MRTFA: variants seen among roughly 807,000 people sequenced by gnomAD.
MRTFA encodes myocardin related transcription factor A, also known as myocardin-related transcription factor A.
A neutral mutation model predicts 83.5 loss-of-function variants in MRTFA; 20 were observed. The observed-to-expected ratio is 0.24, with a 90% CI of 0.17 to 0.35. The LOEUF (loss-of-function observed/expected upper bound fraction) is 0.35. MRTFA is among the 10% of genes least tolerant of loss of function. The probability of loss-of-function intolerance (pLI) is 1.00; values close to 1 mark genes in which losing one functional copy is unlikely to be tolerated. For synonymous variants in MRTFA, 659 were observed against 541.2 expected (o/e 1.22, Z -3.02); for missense variants, 1,200 against 1,224.7 (o/e 0.98, Z 0.30).
At chr22:40,427,596 T>G (rs2052982622) in intron 7 of MRTFA, among the ~76,000 whole-genome samples, 1 of 152,196 alleles carries the variant, frequency 6.6e-6, no homozygotes, top group Non-Finnish European at 1.5e-5. Context: ...TCTGTACCAA[T>G]TATCACCAAA....
intron 3 of MRTFA, among the ~76,000 whole-genome samples, chr22:40,527,118 C>A (rs969292572): frequency 1.3e-5 from 2 of 149,922 alleles, no homozygotes; most frequent in African/African-American, 4.9e-5. Flanking sequence ...AGAGCAAGAC[C>A]TCGCCTCAAA....
At chr22:40,634,079 A>C (rs2056668534) in intron 1 of MRTFA, among the ~76,000 whole-genome samples, 1 of 151,716 alleles carries the variant, frequency 6.6e-6, no homozygotes, top group Admixed American at 6.6e-5. Flanking sequence ...CTGGTATATC[A>C]GAAGATTTAT....
At chr22:40,576,584 A>G (rs900044627) in intron 2 of MRTFA, among the ~76,000 whole-genome samples, 4 of 152,176 alleles carry the variant, frequency 2.6e-5, no homozygotes, top group Admixed American at 2.6e-4. Context: ...CCCTTTAGGA[A>G]GCGAAATTAT....
At position 40,418,274 on chromosome 22, in the gene MRTFA, A is replaced by G. The variant is rs969018975; in HGVS notation, c.2364+100T>C. On this transcript the variant is annotated intron_variant, in intron 12 of 14. Transcript: ENST00000355630. ...GGAAGATTAAATGAAGCAAACACAA[A>G]ATGTCCAGCACGAGGGGTCCCCTGG... 1.8e-5 allele frequency: 28 copies of G among 1,513,834 alleles called. No homozygotes were observed. The African/African-American group carries it at 4.0e-4, about 21-fold the overall frequency. The allele number at this position is 1,513,834 out of a possible 1,614,324, so 93.8% of individuals were successfully genotyped here.
intron 3 of MRTFA, among the ~76,000 whole-genome samples, chr22:40,482,144 A>C (rs1180590632): frequency 6.6e-6 from 1 of 151,838 alleles, no homozygotes; most frequent in African/African-American, 2.4e-5. Context: ...TACTACGGTG[A>C]CTCATTTCAT....
intron 9 of MRTFA, among the ~76,000 whole-genome samples, chr22:40,422,096 T>C (rs2052852312): frequency 2.0e-5 from 3 of 151,880 alleles, no homozygotes; most frequent in Admixed American, 2.0e-4. Flanking sequence ...ACAGAGAGCC[T>C]GTGAGCACAG....
chr22:40,587,779 A>G, intron 2 of MRTFA: 1 of 337,124 alleles, frequency 3.0e-6, no homozygotes, highest in South Asian at 3.9e-5. Context: ...TGGGAATTTG[A>G]GACCCAACTC....
At chr22:40,636,170 G>A (rs1462100323) in intron 1 of MRTFA, among the ~76,000 whole-genome samples, 2 of 152,202 alleles carry the variant, frequency 1.3e-5, no homozygotes, top group African/African-American at 4.8e-5. Context: ...CCCGGGAGAA[G>A]CGAGGGCGAG....
intron 4 of MRTFA, among the ~76,000 whole-genome samples, chr22:40,445,207 C>A (rs2053352838): frequency 6.6e-6 from 1 of 152,166 alleles, no homozygotes; most frequent in African/African-American, 2.4e-5. Flanking sequence ...ACTGAAAGAA[C>A]AAATAATGAA....
At position 40,571,884 on chromosome 22, in the gene MRTFA, A is replaced by G. The variant is rs1294104023; in HGVS notation, c.-21-19517T>C. Among the ~76,000 whole-genome samples the G allele has an allele frequency of 4.2e-5, 6 of 141,274 alleles. No individual in the cohort carries two copies. The Admixed American group carries it at 4.6e-4, about 11-fold the overall frequency. 92.7% of individuals were successfully genotyped at this position (141,274 alleles called of 152,430 possible). A position where few individuals can be genotyped will look rare whatever the true frequency, so the allele number is the denominator to read the frequency against. ...GCTTGCAGTGAGCCGAGATCACGCC[A>G]CTGCACTCCAGCCAGGGCGACAGAG... is the stretch of plus-strand genomic sequence containing the variant. On this transcript the variant is annotated intron_variant, in intron 2 of 14. Transcript: ENST00000355630.
chr22:40,483,324 C>T (rs934566568), intron 3 of MRTFA, among the ~76,000 whole-genome samples: 3 of 151,808 alleles, frequency 2.0e-5, no homozygotes, highest in Admixed American at 2.0e-4. Flanking sequence ...TTCAGTCTCC[C>T]AAAGTGCTGG....
intron 2 of MRTFA, among the ~76,000 whole-genome samples, chr22:40,570,565 G>A (rs12167993): frequency 0.023 from 2,765 of 117,904 alleles, 42 homozygotes; most frequent in Middle Eastern, 0.062. Flanking sequence ...GCGACAGAGC[G>A]AGACTCTGTC....
chr22:40,486,401 T>C (rs1403080134), intron 3 of MRTFA, among the ~76,000 whole-genome samples: 1 of 152,236 alleles, frequency 6.6e-6, no homozygotes, highest in Non-Finnish European at 1.5e-5. Context: ...TGAATCTAAT[T>C]ACTTACTAAA....
chr22:40,534,656 G>A (rs559804102), intron 3 of MRTFA, among the ~76,000 whole-genome samples: 11 of 152,282 alleles, frequency 7.2e-5, no homozygotes, highest in Admixed American at 5.2e-4. Flanking sequence ...TTACAGGCAT[G>A]AGCCACTGCT....
intron 1 of MRTFA, among the ~76,000 whole-genome samples, chr22:40,617,553 C>T (rs1017902980): frequency 6.6e-6 from 1 of 151,732 alleles, no homozygotes; most frequent in African/African-American, 2.4e-5. Context: ...GGTGAAACCC[C>T]GTTTCTACTA....
intron 2 of MRTFA, among the ~76,000 whole-genome samples, chr22:40,554,553 T>C (rs1342872071): frequency 6.6e-6 from 1 of 152,224 alleles, no homozygotes; most frequent in East Asian, 1.9e-4. Context: ...CCTGCCATCA[T>C]GACTGTAAGT....
At chr22:40,470,735 G>A (rs2053895655) in intron 3 of MRTFA, among the ~76,000 whole-genome samples, 1 of 151,972 alleles carries the variant, frequency 6.6e-6, no homozygotes, top group Admixed American at 6.5e-5. Context: ...GATCACCTGA[G>A]GTCAGGAGTT....
At chr22:40,613,311 T>A (rs1216430065) in intron 1 of MRTFA, among the ~76,000 whole-genome samples, 1 of 152,196 alleles carries the variant, frequency 6.6e-6, no homozygotes, top group Non-Finnish European at 1.5e-5. Context: ...TTCACATGGT[T>A]TTTTGTTGAC....
At chr22:40,578,679 T>A (rs1241965619) in intron 2 of MRTFA, among the ~76,000 whole-genome samples, 1 of 152,042 alleles carries the variant, frequency 6.6e-6, no homozygotes, top group Admixed American at 6.6e-5. Flanking sequence ...CCTAACACTT[T>A]GGGAGGCTGA....
Sources: gnomAD v4.1 joint callset for allele counts (sites outside exome capture counted in the v4.1 genomes callset) on GRCh38, gnomAD v4.1.1 for gene constraint, MANE v1.5 for transcripts, NCBI Gene and HGNC (gene_info 2026-07-23, HGNC 2026-07-21) for gene names.